Variants in TBC1D2 observed in about 807,000 individuals in gnomAD.
TBC1D2 encodes the protein TBC1 domain family member 2A.
Under a neutral mutation model 91.1 loss-of-function variants are expected in TBC1D2, and 58 were observed. The ratio of observed to expected loss-of-function variants is 0.64; its 90% CI spans 0.52 to 0.79. TBC1D2 has a LOEUF of 0.79. Among genes scored for constraint, TBC1D2 ranks in the 30% least tolerant of loss-of-function variants. The probability of loss-of-function intolerance (pLI) is 0.00; values close to 1 mark genes in which losing one functional copy is unlikely to be tolerated. For synonymous variants in TBC1D2, 482 were observed against 511.5 expected, an observed-to-expected ratio of 0.94 and a Z score of 0.78; for missense variants, 1,080 against 1,208.3, an observed-to-expected ratio of 0.89 and a Z score of 1.57.
At chr9:98,213,050 T>C (rs1435541404) in intron 7 of TBC1D2, 58 bp downstream of exon 7, 5 of 1,585,210 alleles carry the variant, frequency 3.2e-6, no homozygotes, top group Non-Finnish European at 3.5e-6. Context: ...GTGGGCAGCA[T>C]GGGGACCAGC....
At chr9:98,250,557 T>G (rs1588068778) in intron 2 of TBC1D2, among the ~76,000 whole-genome samples, 1 of 151,302 alleles carries the variant, frequency 6.6e-6, no homozygotes, top group African/African-American at 2.4e-5. Context: ...TGAGGAAGGG[T>G]GGAGGGCAAC....
chr9:98,208,417 T>A (rs55892659), intron 9 of TBC1D2, among the ~76,000 whole-genome samples: 9 of 152,162 alleles, frequency 5.9e-5, no homozygotes, highest in Admixed American at 5.2e-4. Flanking sequence ...TAGATTCTCA[T>A]AAGGAACACA....
At chr9:98,210,367 T>G (rs574290127) in intron 8 of TBC1D2, among the ~76,000 whole-genome samples, 6 of 152,304 alleles carry the variant, frequency 3.9e-5, no homozygotes, top group African/African-American at 1.4e-4. Context: ...GTCCCCTCTC[T>G]GACAGGCACA....
chr9:98,209,260 C>T, intron 8 of TBC1D2, 116 bp from the exon 9 acceptor site: 2 of 958,478 alleles, frequency 2.1e-6, no homozygotes, highest in South Asian at 2.9e-5. Flanking sequence ...TGAGGGTTAA[C>T]CACACAGCTC....
chr9:98,235,599 G>A, intron 3 of TBC1D2: 1 of 432,424 alleles, frequency 2.3e-6, no homozygotes, highest in South Asian at 1.7e-5. Flanking sequence ...ATCCTTCTCA[G>A]CTATAATCCT....
intron 2 of TBC1D2, among the ~76,000 whole-genome samples, chr9:98,248,816 ATTC>A (rs1222096881): frequency 6.6e-6 from 1 of 152,184 alleles, no homozygotes; most frequent in Non-Finnish European, 1.5e-5. Flanking sequence ...GCAACTTGCT[ATTC>A]TTATTATTAT....
intron 2 of TBC1D2, among the ~76,000 whole-genome samples, chr9:98,249,876 T>G (rs1563991542): frequency 2.0e-5 from 3 of 152,156 alleles, no homozygotes; most frequent in Admixed American, 6.5e-5. Context: ...CTCATTTAAT[T>G]ATAAAGTTTA....
At chr9:98,242,231 G>A (rs543783755) in intron 3 of TBC1D2, among the ~76,000 whole-genome samples, 1 of 152,034 alleles carries the variant, frequency 6.6e-6, no homozygotes, top group East Asian at 1.9e-4. Flanking sequence ...CACGAGGTCA[G>A]GAGTTTGAGA....
intron 9 of TBC1D2, among the ~76,000 whole-genome samples, chr9:98,204,632 C>CAA (rs148568601): frequency 2.0e-5 from 3 of 152,078 alleles, no homozygotes; most frequent in African/African-American, 7.2e-5. Context: ...GGTTGAATCT[C>CAA]AAAAGAAAAA....
chr9:98,255,331 A>G lies in TBC1D2; in HGVS notation c.211T>C (p.Tyr71His). ...IRGWKSRWFF[Y>H]DERKCQLYYS... ...TACAGCTGACATTTCCTTTCGTCGT[A>G]GAAGAACCAGCGGGATTTCCAGCCC... The change falls in exon 1 of 13, where the codon TAC becomes CAC. Residue 71 changes from tyrosine to histidine, a missense_variant. Transcript: ENST00000465784. 6.2e-7 allele frequency: 1 copy of G among 1,614,258 alleles called. No individual in the cohort carries two copies. Among genetic ancestry groups the G allele is most frequent in the Non-Finnish European group, 8.5e-7 (1 of 1,180,040 alleles).
intron 3 of TBC1D2, among the ~76,000 whole-genome samples, chr9:98,243,650 C>A (rs1323454389): frequency 1.3e-5 from 2 of 151,624 alleles, no homozygotes; most frequent in Non-Finnish European, 2.9e-5. Flanking sequence ...GATTCTCCTG[C>A]CTCAGCCTCC....
rs980411927 is a variant in TBC1D2, at chr9:98,201,757, A to T, written c.2272-93T>A. 6 of 1,316,164 alleles carry T rather than the reference A, an allele frequency of 4.6e-6. No homozygotes were observed. The African/African-American group carries it at 8.8e-5, about 19-fold the overall frequency. The allele number at this position is 1,316,164 out of a possible 1,614,324, so 81.5% of individuals were successfully genotyped here. ...CTTCCTACCCAGTCAGTCCACACACAATCCTGAAGCTGCTCTGGGCAGGTC... is the reference window on the plus strand; with the variant it reads ...CTTCCTACCCAGTCAGTCCACACACTATCCTGAAGCTGCTCTGGGCAGGTC... On this transcript the variant is annotated intron_variant, in intron 10 of 12. Transcript: ENST00000465784.
chr9:98,206,725 C>T (rs949151798), intron 9 of TBC1D2, among the ~76,000 whole-genome samples: 3 of 152,140 alleles, frequency 2.0e-5, no homozygotes, highest in Admixed American at 6.5e-5. Context: ...GGTGAGACAA[C>T]GGGCAGGTTC....
chr9:98,240,981 A>T (rs1829624048), intron 3 of TBC1D2, among the ~76,000 whole-genome samples: 1 of 152,202 alleles, frequency 6.6e-6, no homozygotes, highest in Non-Finnish European at 1.5e-5. Context: ...CTGAAAGGAT[A>T]ACCTTGGGAA....
intron 10 of TBC1D2, among the ~76,000 whole-genome samples, chr9:98,202,988 G>T (rs1828547431): frequency 6.6e-6 from 1 of 152,256 alleles, no homozygotes; most frequent in Admixed American, 6.5e-5. Context: ...CAGCCATTTT[G>T]TGACCAGGAG....
chr9:98,233,457 T>C lies in TBC1D2; in HGVS notation c.740A>G (p.Gln247Arg), dbSNP rs776802686. 1 of 1,614,166 alleles carries C rather than the reference T, an allele frequency of 6.2e-7. No homozygotes were observed. The highest frequency in any genetic ancestry group is 8.5e-7 in the Non-Finnish European group (1 of 1,179,998). The change falls in exon 4 of 13, where the codon CAG (glutamine) becomes CGG (arginine). Residue 247 changes from glutamine (Q) to arginine (R), a missense_variant. Gln to Arg is a conservative substitution (Grantham distance 43). Transcript: ENST00000465784. The part of the protein sequence containing the change: ...GEDSPQSGEP[Q>R]REEQPLASDA... ...AGAGGCCAAGGGCTGCTCCTCCCTCTGAGGCTCCCCACTCTGTGGAGAATC... is the reference window on the plus strand; with the variant it reads ...AGAGGCCAAGGGCTGCTCCTCCCTCCGAGGCTCCCCACTCTGTGGAGAATC...
rs780820322 is a variant in TBC1D2, at chr9:98,255,412, C to A, written c.130G>T (p.Val44Phe). The A allele has an allele frequency of 1.2e-6, 2 of 1,613,154 alleles. No individual in the cohort carries two copies. The highest frequency in any genetic ancestry group is 1.7e-6 in the Non-Finnish European group (2 of 1,179,200). ...SGDCARSLEA[V>F]PKKLCGYLSK... ...AAATACCCACAGAGTTTCTTGGGGACCGCCTCCAGGGACCGGGCGCAGTCC... is the reference window on the plus strand; with the variant it reads ...AAATACCCACAGAGTTTCTTGGGGAACGCCTCCAGGGACCGGGCGCAGTCC... Residue 44 changes from valine to phenylalanine, a missense_variant, in exon 1 of 13, where the codon GTC (valine) becomes TTC (phenylalanine). Physicochemically the swap from Val to Phe is conservative, Grantham distance 50. Coordinates refer to ENST00000465784, the MANE Select transcript of TBC1D2 (RefSeq NM_001267571.2).
intron 4 of TBC1D2, among the ~76,000 whole-genome samples, 188 bp downstream of exon 4, chr9:98,233,228 C>T (rs1415079342): frequency 6.6e-6 from 1 of 152,228 alleles, no homozygotes; most frequent in Non-Finnish European, 1.5e-5. Flanking sequence ...TCCCAGCTTC[C>T]ACACAACTGT....
At chr9:98,227,392 G>A (rs1456455022) in intron 5 of TBC1D2, among the ~76,000 whole-genome samples, 1 of 152,162 alleles carries the variant, frequency 6.6e-6, no homozygotes, top group East Asian at 1.9e-4. Flanking sequence ...AAACACATGA[G>A]TTAAGAACGT....
Sources: gnomAD v4.1 joint callset for allele counts (sites outside exome capture counted in the v4.1 genomes callset) on GRCh38, gnomAD v4.1.1 for gene constraint, MANE v1.5 for transcripts, NCBI Gene and HGNC (gene_info 2026-07-23, HGNC 2026-07-21) for gene names.